ATF6: variants seen among roughly 807,000 people sequenced by gnomAD.
ATF6 encodes the protein activating transcription factor 6, also known as cyclic AMP-dependent transcription factor ATF-6 alpha.
ATF6 carries 53 observed loss-of-function variants against 83.6 expected under a neutral mutation model. The ratio of observed to expected loss-of-function variants is 0.63; its 90% confidence interval spans 0.51 to 0.80. The LOEUF is 0.80. Among genes scored for constraint, ATF6 ranks in the 30% least tolerant of loss-of-function variants. The pLI is 0.00. For synonymous variants in ATF6, 288 were observed against 285.8 expected (o/e 1.01, Z -0.08); for missense variants, 744 against 797.9 (o/e 0.93, Z 0.81).
At chr1:161,936,947 C>T (rs143014040) in intron 15 of ATF6, among the ~76,000 whole-genome samples, 185 of 152,084 alleles carry the variant, frequency 1.2e-3, no homozygotes, top group African/African-American at 4.2e-3. Context: ...TCATCCTTGA[C>T]CCATTTTGTT....
At chr1:161,796,262 G>C (rs1488732147) in intron 6 of ATF6, among the ~76,000 whole-genome samples, 1 of 152,170 alleles carries the variant, frequency 6.6e-6, no homozygotes, top group Non-Finnish European at 1.5e-5. Flanking sequence ...TTTCTTATAA[G>C]TTGCCTAATT....
At position 161,929,142 on chromosome 1, in the gene ATF6, A is replaced by G. The variant is rs183518844; in HGVS notation, c.1804+16762A>G. 4.6e-5 allele frequency among the ~76,000 whole-genome samples: 7 copies of G among 152,328 alleles called. No individual in the cohort carries two copies. The East Asian group carries it at 1.4e-3, about 29-fold the overall frequency. On this transcript the variant is annotated intron_variant, in intron 15 of 15. Coordinates refer to ENST00000367942, the MANE Select transcript of ATF6 (RefSeq NM_007348.4). The stretch of plus-strand genomic sequence containing the variant: ...CCCCAGATAAACTATGATACAGAAG[A>G]ACATTTGTTAGCTACTTTTTAGGTG...
intron 14 of ATF6, among the ~76,000 whole-genome samples, chr1:161,874,873 A>T (rs564041881): frequency 6.6e-6 from 1 of 151,782 alleles, no homozygotes; most frequent in South Asian, 2.1e-4. Flanking sequence ...GTATGTTTGC[A>T]TGTCTGTCTA....
chr1:161,834,412 G>A (rs536158162), intron 9 of ATF6, among the ~76,000 whole-genome samples: 78 of 152,158 alleles, frequency 5.1e-4, no homozygotes, highest in Non-Finnish European at 1.0e-3. Flanking sequence ...TTAAGAAAAT[G>A]TGACACATAT....
intron 14 of ATF6, among the ~76,000 whole-genome samples, chr1:161,865,379 C>T (rs1686974053): frequency 6.6e-6 from 1 of 152,102 alleles, no homozygotes; most frequent in Admixed American, 6.5e-5. Flanking sequence ...AGGATGGTCT[C>T]CATCTCCTGA....
At chr1:161,768,725 C>T (rs1684323482) in intron 1 of ATF6, among the ~76,000 whole-genome samples, 1 of 152,080 alleles carries the variant, frequency 6.6e-6, no homozygotes, top group African/African-American at 2.4e-5. Context: ...CGCTACCATG[C>T]CTGGTTAATT....
intron 9 of ATF6, among the ~76,000 whole-genome samples, chr1:161,836,942 AACT>A (rs1363160411): frequency 6.6e-6 from 1 of 152,160 alleles, no homozygotes; most frequent in African/African-American, 2.4e-5. Context: ...CAGGTGAGAA[AACT>A]ACTATCAGAG....
At chr1:161,883,810 G>A (rs1687366887) in intron 14 of ATF6, among the ~76,000 whole-genome samples, 1 of 151,928 alleles carries the variant, frequency 6.6e-6, no homozygotes, top group Admixed American at 6.6e-5. Context: ...GATGAAGCCT[G>A]TCACCTTGAC....
rs1686673597 is a variant in ATF6 at position 161,853,149 on chromosome 1, C to CTATGTTTAATTCTATTAGATTCATTT, written c.1434-75_1434-74insTATGTTTAATTCTATTAGATTCATTT. On this transcript the variant is annotated intron_variant, in intron 11 of 15. Coordinates refer to ENST00000367942, the MANE Select transcript of ATF6 (RefSeq NM_007348.4). Reference sequence around the variant, plus strand: ...AACCTACAAATGATTAGATTCATTTCCACCCACAGGGTGAAACATCCATTT... The same window carrying CTATGTTTAATTCTATTAGATTCATTT: ...AACCTACAAATGATTAGATTCATTTCTATGTTTAATTCTATTAGATTCATTTCACCCACAGGGTGAAACATCCATTT... The CTATGTTTAATTCTATTAGATTCATTT allele has an allele frequency of 3.8e-6, 4 of 1,042,332 alleles. No individual in the cohort carries two copies. The Admixed American group carries it at 9.4e-5, about 25-fold the overall frequency. The allele number at this position is 1,042,332 out of a possible 1,614,324, so 64.6% of individuals were successfully genotyped here.
intron 1 of ATF6, among the ~76,000 whole-genome samples, chr1:161,776,447 G>GT (rs1458117656): frequency 2.6e-5 from 4 of 152,098 alleles, no homozygotes; most frequent in Admixed American, 2.0e-4. Context: ...TGACATCTCT[G>GT]TGTTGGGAGG....
chr1:161,778,309 A>G lies in ATF6; in HGVS notation c.148A>G (p.Asn50Asp), dbSNP rs1411773594. 6.2e-7 allele frequency: 1 copy of G among 1,612,754 alleles called. No homozygotes were observed. The highest frequency in any genetic ancestry group is 1.1e-5 in the South Asian group (1 of 91,036). ...DTDELQLEAANETYENNFDNL... is the reference protein window; with the variant it reads ...DTDELQLEAADETYENNFDNL... ...TGATGAGCTGCAATTGGAAGCAGCA[A>G]ATGAGACGTATGTAAGTATTTACTA... is the stretch of plus-strand genomic sequence containing the variant. The change falls in exon 2 of 16, where the codon AAT becomes GAT. Residue 50 changes from asparagine (N) to aspartate (D), a missense_variant. Asn to Asp is a conservative substitution (Grantham distance 23, BLOSUM62 1). Coordinates refer to ENST00000367942, the MANE Select transcript of ATF6 (RefSeq NM_007348.4).
chr1:161,830,151 A>G (rs962586465), intron 9 of ATF6, among the ~76,000 whole-genome samples: 3 of 152,210 alleles, frequency 2.0e-5, no homozygotes, highest in African/African-American at 7.2e-5. Context: ...TTATACACCA[A>G]TAGCAGACAA....
chr1:161,788,802 G>A (rs1040061504), intron 4 of ATF6, among the ~76,000 whole-genome samples: 20 of 151,968 alleles, frequency 1.3e-4, no homozygotes, highest in African/African-American at 4.8e-4. Flanking sequence ...TAACTGTATT[G>A]TCTTTATAAT....
At chr1:161,921,500 C>T (rs1301268755) in intron 15 of ATF6, among the ~76,000 whole-genome samples, 4 of 151,962 alleles carry the variant, frequency 2.6e-5, no homozygotes, top group Non-Finnish European at 5.9e-5. Flanking sequence ...GGAAAAATTT[C>T]CAAAGAAATT....
At chr1:161,897,142 T>C (rs898173290) in intron 14 of ATF6, among the ~76,000 whole-genome samples, 2 of 152,160 alleles carry the variant, frequency 1.3e-5, no homozygotes, top group Non-Finnish European at 2.9e-5. Context: ...GAATTAAATA[T>C]TATGTAAAGA....
chr1:161,913,582 A>G lies in ATF6; in HGVS notation c.1804+1202A>G, dbSNP rs1027098483. ...AATATTTACTTAGCCTTACAAAGAC[A>G]TTCAGAATAAGTTTAAGAAAAACAG... On this transcript the variant is annotated intron_variant, in intron 15 of 15. Transcript: ENST00000367942. Among the ~76,000 whole-genome samples, 12 of 152,336 alleles carry G rather than the reference A, an allele frequency of 7.9e-5. 1 individual carries two copies. In the East Asian group the frequency reaches 1.5e-3, roughly 20 times the overall value.
At position 161,958,771 on chromosome 1, in the gene ATF6, C is replaced by A; in HGVS notation, c.*117C>A. ...CAGAGAACTGTCTCGTACTAGAATT[C>A]AAGGAGGAAAGAAGAAGAAATAAAA... On this transcript the variant is annotated 3_prime_UTR_variant, in exon 16 of 16. Transcript: ENST00000367942. 2.3e-6 allele frequency: 2 copies of A among 853,528 alleles called. No homozygotes were observed. The highest frequency in any genetic ancestry group is 2.1e-5 in the South Asian group (1 of 48,234). The allele number at this position is 853,528 out of a possible 1,614,324, so 52.9% of individuals were successfully genotyped here.
intron 15 of ATF6, among the ~76,000 whole-genome samples, chr1:161,913,330 C>A (rs952141421): frequency 4.6e-5 from 7 of 152,094 alleles, no homozygotes; most frequent in Admixed American, 4.6e-4. Context: ...TATAATTAAA[C>A]CTTCAAATAC....
intron 15 of ATF6, among the ~76,000 whole-genome samples, chr1:161,921,630 T>G (rs1369195216): frequency 6.6e-6 from 1 of 151,978 alleles, no homozygotes; most frequent in Non-Finnish European, 1.5e-5. Context: ...TTCAAAGAAA[T>G]GGATAAAATG....
Sources: allele counts gnomAD v4.1 joint callset (sites outside exome capture counted in the v4.1 genomes callset), GRCh38; gene constraint gnomAD v4.1.1; transcripts MANE v1.5; gene names NCBI Gene and HGNC (gene_info 2026-07-23, HGNC 2026-07-21).